The following CTSF variants were observed in gnomAD, a reference collection of about 807,000 sequenced individuals.
The protein encoded by CTSF is cathepsin F.
CTSF carries 65 observed loss-of-function variants against 63.5 expected under a neutral mutation model. The ratio of observed to expected loss-of-function variants is 1.02; its 90% confidence interval spans 0.84 to 1.26. The LOEUF (loss-of-function observed/expected upper bound fraction) is 1.26. Ranked by LOEUF, CTSF falls within the 50% of genes most tolerant of loss-of-function variation. The probability of loss-of-function intolerance (pLI) is 0.00; values close to 1 mark genes in which losing one functional copy is unlikely to be tolerated. For missense variants in CTSF, 641 were observed against 631.0 expected, an observed-to-expected ratio of 1.02 and a Z score of -0.17; for synonymous variants, 256 against 258.1, an observed-to-expected ratio of 0.99 and a Z score of 0.08.
Position 66,564,157 on chromosome 11 carries a change from G to C in CTSF, c.1322-11C>G, listed in dbSNP as rs1385347166. ...AGGGAACGTCAGAGCCTGGGGTGCAGTGCAGAGCGCAAGGATCAGGGTCCT... is the reference window on the plus strand; with the variant it reads ...AGGGAACGTCAGAGCCTGGGGTGCACTGCAGAGCGCAAGGATCAGGGTCCT... On this transcript the variant is annotated splice_polypyrimidine_tract_variant and intron_variant, in intron 11 of 12. Transcript: ENST00000310325. 1 of 1,608,550 alleles carries C rather than the reference G, an allele frequency of 6.2e-7. No individual in the cohort carries two copies. Among genetic ancestry groups the C allele is most frequent in the South Asian group, 1.1e-5 (1 of 89,914 alleles).
rs199830949 is a variant in CTSF at position 66,564,661 on chromosome 11, A to G, written c.1231-13T>C. On this transcript the variant is annotated splice_polypyrimidine_tract_variant and intron_variant, in intron 10 of 12. Coordinates refer to ENST00000310325, the MANE Select transcript of CTSF (RefSeq NM_003793.4). ...CGTGGCGGTAAAACTGGAGGTGGAG[A>G]AGGAGTAGGGGATCGACTCCAAGAA... The G allele has an allele frequency of 5.0e-4, 808 of 1,612,598 alleles. 4 individuals are homozygous for G. The African/African-American group carries it at 9.0e-3, about 18-fold the overall frequency.
chr11:66,565,433 G>C (rs1007856630), intron 8 of CTSF, among the ~76,000 whole-genome samples: 1 of 152,060 alleles, frequency 6.6e-6, no homozygotes, highest in Non-Finnish European at 1.5e-5. Flanking sequence ...GTAGAGATGG[G>C]GTCTTGCTAT....
chr11:66,567,914 G>A (rs531060614), intron 2 of CTSF, 70 bp downstream of exon 2: 2 of 1,519,392 alleles, frequency 1.3e-6, no homozygotes, highest in African/African-American at 2.8e-5. Flanking sequence ...GTCTTGACCT[G>A]ACCCGTCATC....
rs186275453 is a variant in CTSF, at chr11:66,566,243, G to C, written c.721+48C>G. The C allele has an allele frequency of 7.0e-4, 1,123 of 1,613,796 alleles. 2 individuals are homozygous for C. The highest frequency in any genetic ancestry group is 2.4e-3 in the South Asian group (215 of 91,074). On this transcript the variant is annotated intron_variant, in intron 5 of 12. Transcript: ENST00000310325. The stretch of plus-strand genomic sequence containing the variant: ...ACCTGACCAGAGGCCTTGCGAGCAA[G>C]GTCCTGTCTCTTCCTGGATCCATGA...
intron 2 of CTSF, 40 bp downstream of exon 2, chr11:66,567,944 C>A: frequency 3.2e-6 from 5 of 1,551,182 alleles, no homozygotes; most frequent in Non-Finnish European, 4.3e-6. Flanking sequence ...CTGCTTTACT[C>A]GGCCTCGGGG....
At position 66,568,065 on chromosome 11, in the gene CTSF, C is replaced by T. The variant is rs1857974548; in HGVS notation, c.231G>A (p.Leu77=). The T allele has an allele frequency of 1.2e-6, 2 of 1,602,330 alleles. No homozygotes were observed. The highest frequency in any genetic ancestry group is 2.2e-5 in the South Asian group (2 of 89,976). ...CCTCCAGGGTGGCCTCCAGGGAGTA[C>T]AGCGACCCCTGACCCGCCTGGAGAG... ...GRVRRAGQGS[L]YSLEATLEEP... The change falls in exon 2 of 13, where the codon CTG becomes CTA. Residue 77 remains leucine, a synonymous_variant. Transcript: ENST00000310325.
In CTSF at chr11:66,567,761, C is replaced by G; in HGVS notation, c.313-99G>C. The stretch of plus-strand genomic sequence containing the variant: ...CTGGAGGCTCCTCAGATGAGAGCCA[C>G]CCCTAAGGCAATCACCCCATCACAG... On this transcript the variant is annotated intron_variant, in intron 2 of 12. Transcript: ENST00000310325. 2.0e-6 allele frequency: 3 copies of G among 1,491,948 alleles called. No homozygotes were observed. The South Asian group carries it at 4.0e-5, about 20-fold the overall frequency. 92.4% of individuals were successfully genotyped at this position (1,491,948 alleles called of 1,614,324 possible).
At chr11:66,565,546 C>G in intron 8 of CTSF, 125 bp downstream of exon 8, 1 of 1,366,914 alleles carries the variant, frequency 7.3e-7, no homozygotes, top group South Asian at 1.3e-5. Context: ...CTGGCTGGGT[C>G]AGCATTAAGA....
In CTSF at chr11:66,566,153, T is replaced by C. The variant is rs201753663; in HGVS notation, c.736A>G (p.Thr246Ala). 1.3e-5 allele frequency: 21 copies of C among 1,614,022 alleles called. No homozygotes were observed. The highest frequency in any genetic ancestry group is 1.6e-5 in the Non-Finnish European group (19 of 1,180,030). ...FSDLTEEEFR[T>A]IYLNTLLRKE... is the part of the protein sequence containing the mutation. ...CTCAGGAGAGTATTCAGGTAGATAG[T>C]GCGGAACTCCTCCTCTGCGGGCAAA... Residue 246 changes from threonine (T) to alanine (A), a missense_variant, in exon 6 of 13, where the codon ACT becomes GCT. Coordinates refer to ENST00000310325, the MANE Select transcript of CTSF (RefSeq NM_003793.4).
rs747177264 is a variant in CTSF at position 66,567,507 on chromosome 11, T to C, written c.468A>G (p.Pro156=). The part of the protein sequence containing the change: ...AMISSLSQNH[P]DNRNETFSSV... ...AGCTGAAAGTCTCGTTTCTGTTGTCTGGATGGTTTTGGGACAGAGAAGAAA... is the reference window on the plus strand; with the variant it reads ...AGCTGAAAGTCTCGTTTCTGTTGTCCGGATGGTTTTGGGACAGAGAAGAAA... The change falls in exon 3 of 13, where the codon CCA becomes CCG. Residue 156 remains proline, a synonymous_variant. Coordinates refer to ENST00000310325, the MANE Select transcript of CTSF (RefSeq NM_003793.4). The C allele has an allele frequency of 1.2e-6, 2 of 1,614,204 alleles. No individual in the cohort carries two copies. The highest frequency in any genetic ancestry group is 1.7e-6 in the Non-Finnish European group (2 of 1,180,028).
At position 66,568,335 on chromosome 11, in the gene CTSF, T is replaced by TAGGG; in HGVS notation, c.151_152insCCCT (p.Asn51ThrfsTer64). ...CCGCGTCCCCGCAGCCCGGCCGCGG[T>TAGGG]TGAACATCTCCAGCGCGAAGCGGGT... On this transcript the variant is annotated frameshift_variant, in exon 1 of 13. Coordinates refer to ENST00000310325, the MANE Select transcript of CTSF (RefSeq NM_003793.4). LOFTEE classifies it high-confidence loss of function. 7.6e-7 allele frequency: 1 copy of TAGGG among 1,312,324 alleles called. No individual in the cohort carries two copies. Among genetic ancestry groups the TAGGG allele is most frequent in the African/African-American group, 1.5e-5 (1 of 64,556 alleles). The allele number at this position is 1,312,324 out of a possible 1,614,324, so 81.3% of individuals were successfully genotyped here.
At chr11:66,567,934 C>G (rs759161000) in intron 2 of CTSF, 50 bp downstream of exon 2, 2 of 1,541,948 alleles carry the variant, frequency 1.3e-6, no homozygotes, top group Non-Finnish European at 1.7e-6. Flanking sequence ...CATCCAACTG[C>G]TGCTTTACTC....
At position 66,567,541 on chromosome 11, in the gene CTSF, G is replaced by A; in HGVS notation, c.434C>T (p.Ser145Leu). 6.2e-7 allele frequency: 1 copy of A among 1,614,220 alleles called. No individual in the cohort carries two copies. The highest frequency in any genetic ancestry group is 8.5e-7 in the Non-Finnish European group (1 of 1,180,038). Residue 145 changes from serine to leucine, a missense_variant, in exon 3 of 13, where the codon TCA (serine) becomes TTA (leucine). Physicochemically the swap from Ser to Leu is moderately radical, Grantham distance 145. Coordinates refer to ENST00000310325, the MANE Select transcript of CTSF (RefSeq NM_003793.4). ...TTGGGACAGAGAAGAAATCATGGCT[G>A]AGCCCTGAGTGAAGGCTGACTTGGG... Reference protein sequence around the residue: ...GEPKSAFTQGSAMISSLSQNH... With the variant: ...GEPKSAFTQGLAMISSLSQNH...
intron 2 of CTSF, 124 bp downstream of exon 2, chr11:66,567,860 G>A (rs1335358802): frequency 1.4e-6 from 2 of 1,410,044 alleles, no homozygotes; most frequent in African/African-American, 1.4e-5. Flanking sequence ...CTCGGGGCCT[G>A]GGAAGTGGCT....
At position 66,564,815 on chromosome 11, in the gene CTSF, G is replaced by A; in HGVS notation, c.1166-9C>T. ...CAGCCAGGCTGCCAGCTCTGAGATG[G>A]GAAGGGGTGGCATCAGTAGGCACCC... On this transcript the variant is annotated splice_polypyrimidine_tract_variant and intron_variant, in intron 9 of 12. Transcript: ENST00000310325. 2 of 1,614,108 alleles carry A rather than the reference G, an allele frequency of 1.2e-6. No individual in the cohort carries two copies. The highest frequency in any genetic ancestry group is 2.2e-5 in the East Asian group (1 of 44,876).
chr11:66,567,193 G>C (rs1408651027), intron 4 of CTSF, 53 bp downstream of exon 4: 5 of 1,582,212 alleles, frequency 3.2e-6, no homozygotes, highest in Admixed American at 1.7e-5. Flanking sequence ...TGCCAAGTTG[G>C]GGGGAAAGTC....
At chr11:66,567,959 G>A in intron 2 of CTSF, 25 bp downstream of exon 2, 1 of 1,570,336 alleles carries the variant, frequency 6.4e-7, no homozygotes, top group Non-Finnish European at 8.6e-7. Context: ...TCGGGGCGGG[G>A]AACCCCAAGA....
Position 66,567,433 on chromosome 11 carries a change from G to A in CTSF, c.531+11C>T. 1 of 1,611,468 alleles carries A rather than the reference G, an allele frequency of 6.2e-7. No homozygotes were observed. On this transcript the variant is annotated intron_variant, in intron 3 of 12. Transcript: ENST00000310325. ...TCAAGCTGAGGGCTCCTCAAGCTGA[G>A]GGCTCCTCACCTGGGACAGGGGATC...
At chr11:66,564,274 G>A (rs1243529282) in intron 11 of CTSF, 128 bp from the exon 12 acceptor site, 4 of 1,222,082 alleles carry the variant, frequency 3.3e-6, no homozygotes, top group Admixed American at 2.3e-5. Context: ...AGAGCAGAAA[G>A]CGAGGGGCCC....
Sources: allele counts gnomAD v4.1 joint callset (sites outside exome capture counted in the v4.1 genomes callset), GRCh38; gene constraint gnomAD v4.1.1; transcripts MANE v1.5; gene names NCBI Gene and HGNC (gene_info 2026-07-23, HGNC 2026-07-21).